The following CAV1 variants were observed in gnomAD, a reference collection of about 807,000 sequenced individuals.
CAV1 encodes caveolin 1.
CAV1 carries 10 observed loss-of-function variants against 16.5 expected under a neutral mutation model. The observed-to-expected ratio is 0.61, with a 90% CI of 0.37 to 1.03. The LOEUF (loss-of-function observed/expected upper bound fraction) is 1.03, where lower values mean the gene tolerates loss of function less well. Ranked by LOEUF, CAV1 falls within the 50% of genes least tolerant of loss-of-function variation. The probability of loss-of-function intolerance (pLI) is 0.01; values close to 1 mark genes in which losing one functional copy is unlikely to be tolerated. For missense variants in CAV1, 212 were observed against 232.8 expected, an observed-to-expected ratio of 0.91 and a Z score of 0.58; for synonymous variants, 76 against 85.1, an observed-to-expected ratio of 0.89 and a Z score of 0.59.
At chr7:116,539,793 C>G (rs1485089703) in intron 2 of CAV1, among the ~76,000 whole-genome samples, 1 of 152,074 alleles carries the variant, frequency 6.6e-6, no homozygotes, top group African/African-American at 2.4e-5. Context: ...GTCTGGCAGA[C>G]AGGACAGGCA....
chr7:116,555,484 A>AAAAG (rs1232983304), intron 2 of CAV1, among the ~76,000 whole-genome samples: 304 of 6,096 alleles, frequency 0.05, 83 homozygotes, highest in Non-Finnish European at 0.083. Flanking sequence ...AGGAGGAAAG[A>AAAAG]AAAGAAAGAA....
At chr7:116,528,730 A>C (rs1045238132) in intron 2 of CAV1, among the ~76,000 whole-genome samples, 1 of 152,174 alleles carries the variant, frequency 6.6e-6, no homozygotes, top group South Asian at 2.1e-4. Context: ...AATAACAGAA[A>C]CAGGGATGAT....
chr7:116,537,709 C>A (rs1379424422), intron 2 of CAV1, among the ~76,000 whole-genome samples: 1 of 152,092 alleles, frequency 6.6e-6, no homozygotes, highest in Non-Finnish European at 1.5e-5. Context: ...TATGGTGATT[C>A]CAGACATGAT....
chr7:116,558,031 G>T (rs74326412), intron 2 of CAV1, among the ~76,000 whole-genome samples: 3 of 152,000 alleles, frequency 2.0e-5, no homozygotes, highest in South Asian at 4.2e-4. Context: ...CATTTCCAAC[G>T]TCCCATTGTT....
chr7:116,541,771 A>T (rs1793946425), intron 2 of CAV1, among the ~76,000 whole-genome samples: 1 of 150,732 alleles, frequency 6.6e-6, no homozygotes, highest in African/African-American at 2.5e-5. Flanking sequence ...AAAAAAAAAA[A>T]AGTGTTAGGT....
chr7:116,544,099 C>T (rs184480832), intron 2 of CAV1, among the ~76,000 whole-genome samples: 76 of 152,272 alleles, frequency 5.0e-4, no homozygotes, highest in Non-Finnish European at 8.1e-4. Flanking sequence ...ATCATCTCCA[C>T]GGGCAGAGCT....
intron 2 of CAV1, among the ~76,000 whole-genome samples, chr7:116,536,037 A>T (rs1227532519): frequency 6.6e-6 from 1 of 152,182 alleles, no homozygotes; most frequent in Non-Finnish European, 1.5e-5. Flanking sequence ...TTTATTTAAA[A>T]AGGTAAGTTG....
At chr7:116,525,770 G>T in intron 1 of CAV1, 1 of 1,056,538 alleles carries the variant, frequency 9.5e-7, no homozygotes. Context: ...CCGCAGCCTG[G>T]GAGTGCCCTG....
At chr7:116,547,800 C>T (rs551670862) in intron 2 of CAV1, among the ~76,000 whole-genome samples, 3 of 152,262 alleles carry the variant, frequency 2.0e-5, no homozygotes, top group South Asian at 2.1e-4. Context: ...GTGCCCTAAA[C>T]GTTTTGCATA....
chr7:116,551,570 AAAGGGC>A (rs1448967486), intron 2 of CAV1, among the ~76,000 whole-genome samples: 1 of 152,230 alleles, frequency 6.6e-6, no homozygotes, highest in Non-Finnish European at 1.5e-5. Context: ...GTCTAATAGA[AAAGGGC>A]AAGGAAGTAG....
At chr7:116,545,353 T>C (rs893007380) in intron 2 of CAV1, among the ~76,000 whole-genome samples, 6 of 152,212 alleles carry the variant, frequency 3.9e-5, no homozygotes, top group Non-Finnish European at 8.8e-5. Context: ...AGAAAAACCC[T>C]GTTGTAGAGG....
In CAV1 at chr7:116,547,579, T is replaced by C. The variant is rs142554059; in HGVS notation, c.196-11367T>C. Among the ~76,000 whole-genome samples, 153 of 152,332 alleles carry C rather than the reference T, an allele frequency of 1.0e-3. 1 individual carries two copies. Among genetic ancestry groups the C allele is most frequent in the African/African-American group, 3.5e-3 (146 of 41,574 alleles). On this transcript the variant is annotated intron_variant, in intron 2 of 2. Coordinates refer to ENST00000341049, the MANE Select transcript of CAV1 (RefSeq NM_001753.5). ...ATGGTAATAAACTCCAGAAGCCTCA[T>C]TGACTTGCTAGAGATGAGCTCATCC...
At chr7:116,552,693 A>G (rs527335264) in intron 2 of CAV1, among the ~76,000 whole-genome samples, 15 of 152,338 alleles carry the variant, frequency 9.8e-5, no homozygotes, top group Middle Eastern at 3.4e-3. Flanking sequence ...AAGGGCAAAG[A>G]GTCATGCCAT....
At position 116,559,744 on chromosome 7, in the gene CAV1, A is replaced by C; in HGVS notation, c.*457A>C. 1 of 432,288 alleles carries C rather than the reference A, an allele frequency of 2.3e-6. No individual in the cohort carries two copies. Among genetic ancestry groups the C allele is most frequent in the Non-Finnish European group, 4.0e-6 (1 of 247,266 alleles). The allele number at this position is 432,288 out of a possible 1,614,324, so 26.8% of individuals were successfully genotyped here. On this transcript the variant is annotated 3_prime_UTR_variant, in exon 3 of 3. Coordinates refer to ENST00000341049, the MANE Select transcript of CAV1 (RefSeq NM_001753.5). Reference sequence around the variant, plus strand: ...AAGTATGTGGGCAGATTTTCAGCAAACTCTTTTCCCACTGTTTAAGGAGTT... The same window carrying C: ...AAGTATGTGGGCAGATTTTCAGCAACCTCTTTTCCCACTGTTTAAGGAGTT...
intron 2 of CAV1, among the ~76,000 whole-genome samples, chr7:116,547,833 C>T (rs1256709148): frequency 6.6e-6 from 1 of 152,192 alleles, no homozygotes; most frequent in Non-Finnish European, 1.5e-5. Flanking sequence ...CCCAGAGCAA[C>T]AACCCTAAGA....
chr7:116,550,731 C>T (rs1456001323), intron 2 of CAV1, among the ~76,000 whole-genome samples: 2 of 152,054 alleles, frequency 1.3e-5, no homozygotes, highest in Admixed American at 1.3e-4. Context: ...CTGGGTTTGA[C>T]ACGTACATTA....
In CAV1 at chr7:116,559,867, C is replaced by T. The variant is rs573244957; in HGVS notation, c.*580C>T. The T allele has an allele frequency of 3.8e-5, 15 of 399,872 alleles. No individual in the cohort carries two copies. The East Asian group carries it at 4.6e-4, about 12-fold the overall frequency. The allele number at this position is 399,872 out of a possible 1,614,324, so 24.8% of individuals were successfully genotyped here. Reference sequence around the variant, plus strand: ...CTGCCTTCTCATGATCCAACTAATGCCTTACTCTTCTTGAAATTTTAACCT... The same window carrying T: ...CTGCCTTCTCATGATCCAACTAATGTCTTACTCTTCTTGAAATTTTAACCT... On this transcript the variant is annotated 3_prime_UTR_variant, in exon 3 of 3. Transcript: ENST00000341049.
At chr7:116,529,034 T>A (rs550621050) in intron 2 of CAV1, among the ~76,000 whole-genome samples, 16 of 152,214 alleles carry the variant, frequency 1.1e-4, no homozygotes, top group African/African-American at 3.9e-4. Context: ...TTCACCATGT[T>A]GGCCAGGCTG....
At chr7:116,526,417 C>A in intron 1 of CAV1, 108 bp from the exon 2 acceptor site, 1 of 1,573,550 alleles carries the variant, frequency 6.4e-7, no homozygotes, top group Non-Finnish European at 8.6e-7. Flanking sequence ...TCGAGGTTTC[C>A]CCCGCCGCCA....
Sources: allele counts gnomAD v4.1 joint callset (sites outside exome capture counted in the v4.1 genomes callset), GRCh38; gene constraint gnomAD v4.1.1; transcripts MANE v1.5; gene names NCBI Gene and HGNC (gene_info 2026-07-23, HGNC 2026-07-21).